The following KCNJ6 variants were observed in gnomAD, a reference collection of about 807,000 sequenced individuals.
KCNJ6 encodes the protein G protein-activated inward rectifier potassium channel 2.
Under a neutral mutation model 34.2 loss-of-function variants are expected in KCNJ6, and 9 were observed. That is an observed-to-expected ratio of 0.26 (90% confidence interval 0.16 to 0.46). The LOEUF (loss-of-function observed/expected upper bound fraction) is 0.46, where lower values mean the gene tolerates loss of function less well. Ranked by LOEUF, KCNJ6 falls within the 20% of genes least tolerant of loss-of-function variation. The probability of loss-of-function intolerance (pLI) is 1.00; values close to 1 mark genes in which losing one functional copy is unlikely to be tolerated. For missense variants in KCNJ6, 236 were observed against 531.3 expected, an observed-to-expected ratio of 0.44 and a Z score of 5.46; for synonymous variants, 196 against 207.1, an observed-to-expected ratio of 0.95 and a Z score of 0.46.
At chr21:37,746,108 C>A (rs1227026403) in intron 2 of KCNJ6, among the ~76,000 whole-genome samples, 4 of 152,182 alleles carry the variant, frequency 2.6e-5, no homozygotes, top group African/African-American at 9.7e-5. Flanking sequence ...GAGGGCCCTA[C>A]CCTTAGGATC....
chr21:37,896,176 C>G lies in KCNJ6; in HGVS notation c.-28+19708G>C, dbSNP rs1027614949. Among the ~76,000 whole-genome samples, 16 of 152,116 alleles carry G rather than the reference C, an allele frequency of 1.1e-4. 1 individual carries two copies. The highest frequency in any genetic ancestry group is 3.9e-4 in the African/African-American group (16 of 41,398). On this transcript the variant is annotated intron_variant, in intron 1 of 3. Transcript: ENST00000609713. ...AGGTGCCACACACCTTTAAACAACCCGATCTCGTAAGAACTCACTCACTAT... is the reference window on the plus strand; with the variant it reads ...AGGTGCCACACACCTTTAAACAACCGGATCTCGTAAGAACTCACTCACTAT...
At chr21:37,713,054 G>A (rs1056869569) in intron 3 of KCNJ6, among the ~76,000 whole-genome samples, 11 of 152,000 alleles carry the variant, frequency 7.2e-5, no homozygotes, top group African/African-American at 2.7e-4. Flanking sequence ...AAACCCTATA[G>A]CAAAAGTTTC....
intron 1 of KCNJ6, among the ~76,000 whole-genome samples, chr21:37,860,093 T>C (rs1488989550): frequency 6.6e-6 from 1 of 152,114 alleles, no homozygotes; most frequent in African/African-American, 2.4e-5. Context: ...CCCGGTGCAA[T>C]GGCTATTTCC....
chr21:37,842,103 A>G (rs1237164892), intron 1 of KCNJ6, among the ~76,000 whole-genome samples: 3 of 152,236 alleles, frequency 2.0e-5, no homozygotes, highest in African/African-American at 7.2e-5. Context: ...CTAAATCAAC[A>G]GGCAGACAAC....
chr21:37,667,154 T>TAAAAAAAAAAAAAAAAAAAAA (rs55953891), intron 3 of KCNJ6, among the ~76,000 whole-genome samples: 5 of 39,094 alleles, frequency 1.3e-4, no homozygotes, highest in Non-Finnish European at 1.8e-4. Context: ...CAATAAATAC[T>TAAAAAAAAAAAAAAAAAAAAA]AAAAAAAAAA....
chr21:37,908,098 T>G (rs2055850246), intron 1 of KCNJ6, among the ~76,000 whole-genome samples: 2 of 152,218 alleles, frequency 1.3e-5, no homozygotes, highest in African/African-American at 2.4e-5. Flanking sequence ...TTGATAATGT[T>G]TTCCCCTGCA....
intron 2 of KCNJ6, among the ~76,000 whole-genome samples, chr21:37,739,032 C>G (rs1299468030): frequency 6.6e-6 from 1 of 152,098 alleles, no homozygotes; most frequent in Non-Finnish European, 1.5e-5. Context: ...CCTGTGCTGG[C>G]CAATACAGCA....
At chr21:37,901,314 G>C (rs1289949742) in intron 1 of KCNJ6, among the ~76,000 whole-genome samples, 1 of 152,186 alleles carries the variant, frequency 6.6e-6, no homozygotes, top group East Asian at 1.9e-4. Flanking sequence ...AGAAAGAGTA[G>C]GTTGGTTTCC....
At chr21:37,834,043 C>T (rs1354587820) in intron 2 of KCNJ6, among the ~76,000 whole-genome samples, 1 of 152,200 alleles carries the variant, frequency 6.6e-6, no homozygotes, top group Non-Finnish European at 1.5e-5. Context: ...AAATTCATTT[C>T]AGATCCACTC....
At chr21:37,700,672 G>A (rs968578009) in intron 3 of KCNJ6, among the ~76,000 whole-genome samples, 14 of 152,166 alleles carry the variant, frequency 9.2e-5, no homozygotes, top group African/African-American at 3.4e-4. Flanking sequence ...GCCCCTGAGA[G>A]GAAAGGATGT....
At chr21:37,831,863 A>G (rs764723940) in intron 2 of KCNJ6, among the ~76,000 whole-genome samples, 4 of 152,102 alleles carry the variant, frequency 2.6e-5, no homozygotes, top group Non-Finnish European at 5.9e-5. Context: ...CCTGCCCACT[A>G]TGGAAGAGGA....
At chr21:37,793,502 C>T (rs1362596831) in intron 2 of KCNJ6, among the ~76,000 whole-genome samples, 2 of 144,282 alleles carry the variant, frequency 1.4e-5, no homozygotes, top group South Asian at 4.3e-4. Context: ...ACCAAGATAG[C>T]GCCACTGCAG....
chr21:37,668,023 C>T (rs1354021148), intron 3 of KCNJ6, among the ~76,000 whole-genome samples: 4 of 152,156 alleles, frequency 2.6e-5, no homozygotes, highest in Admixed American at 2.0e-4. Context: ...ATGCAGTGGA[C>T]ATTTGCTGAA....
At chr21:37,876,518 C>G (rs1423164244) in intron 1 of KCNJ6, among the ~76,000 whole-genome samples, 1 of 151,782 alleles carries the variant, frequency 6.6e-6, no homozygotes, top group Non-Finnish European at 1.5e-5. Context: ...TAAGAAAAAG[C>G]CTAAAGAAGA....
intron 2 of KCNJ6, among the ~76,000 whole-genome samples, chr21:37,759,578 C>T (rs903878732): frequency 2.0e-5 from 3 of 152,182 alleles, no homozygotes; most frequent in African/African-American, 7.2e-5. Context: ...CACTGGCTTC[C>T]CATTGTCCCC....
chr21:37,882,663 T>C (rs2055715268), intron 1 of KCNJ6, among the ~76,000 whole-genome samples: 2 of 152,194 alleles, frequency 1.3e-5, no homozygotes, highest in South Asian at 2.1e-4. Flanking sequence ...AAGCTCCAAC[T>C]GTGGTGGGAG....
rs2054367213 is a variant in KCNJ6, at chr21:37,638,422, C to T, written c.947-12938G>A. 2.0e-5 allele frequency among the ~76,000 whole-genome samples: 3 copies of T among 152,176 alleles called. 1 individual carries two copies. In the South Asian group the frequency reaches 6.2e-4, roughly 31 times the overall value. ...TTAGCCTCCCAAAGTGCTAGGATTA[C>T]AGGTGTGAGCCACCGCTCCCAGCCA... On this transcript the variant is annotated intron_variant, in intron 3 of 3. Transcript: ENST00000609713.
rs2054233562 is a variant in KCNJ6 at position 37,608,978 on chromosome 21, G to A, written c.*16181C>T. On this transcript the variant is annotated 3_prime_UTR_variant, in exon 4 of 4. Transcript: ENST00000609713. The stretch of plus-strand genomic sequence containing the variant: ...TTTAGTTGCCTGTTGGGATCCCTGA[G>A]TATAAAAATACAAGTGTGTGCCTGC... The A allele has an allele frequency of 6.6e-6, 1 of 152,162 alleles. No homozygotes were observed. Among genetic ancestry groups the A allele is most frequent in the Non-Finnish European group, 1.5e-5 (1 of 68,020 alleles). 9.4% of individuals were successfully genotyped at this position (152,162 alleles called of 1,614,324 possible). A position where few individuals can be genotyped will look rare whatever the true frequency, so the allele number is the denominator to read the frequency against.
chr21:37,667,611 T>G (rs1182492926), intron 3 of KCNJ6, among the ~76,000 whole-genome samples: 3 of 137,828 alleles, frequency 2.2e-5, no homozygotes, highest in African/African-American at 2.7e-5. Context: ...GGTAGCGGGG[T>G]CTGGGGTAGC....
Sources: gnomAD v4.1 joint callset for allele counts (sites outside exome capture counted in the v4.1 genomes callset) on GRCh38, gnomAD v4.1.1 for gene constraint, MANE v1.5 for transcripts, NCBI Gene and HGNC (gene_info 2026-07-23, HGNC 2026-07-21) for gene names.